The following CCDC73 variants were observed in gnomAD, a reference collection of about 807,000 sequenced individuals.
CCDC73 encodes the protein coiled-coil domain-containing protein 73.
A neutral mutation model predicts 116.5 loss-of-function variants in CCDC73; 95 were observed. The observed-to-expected ratio is 0.82, with a 90% CI of 0.69 to 0.97. CCDC73 has a LOEUF of 0.97. Among genes scored for constraint, CCDC73 ranks in the 50% least tolerant of loss-of-function variants. CCDC73 has a pLI of 0.00. For synonymous variants in CCDC73, 398 were observed against 401.3 expected (o/e 0.99, Z 0.10); for missense variants, 1,066 against 1,206.8 (o/e 0.88, Z 1.73).
intron 2 of CCDC73, among the ~76,000 whole-genome samples, chr11:32,721,617 A>G (rs997603638): frequency 7.4e-5 from 11 of 148,220 alleles, no homozygotes; most frequent in African/African-American, 2.3e-4. Context: ...TTTTTGAGAC[A>G]GAGTCTTGCT....
At chr11:32,638,858 A>C (rs1030770992) in intron 13 of CCDC73, among the ~76,000 whole-genome samples, 1 of 151,646 alleles carries the variant, frequency 6.6e-6, no homozygotes, top group African/African-American at 2.4e-5. Flanking sequence ...CTTAAACCTC[A>C]TTTCATCAGC....
At chr11:32,648,714 T>A (rs981445501) in intron 12 of CCDC73, among the ~76,000 whole-genome samples, 6 of 150,280 alleles carry the variant, frequency 4.0e-5, no homozygotes, top group African/African-American at 1.5e-4. Context: ...ATGACACCCA[T>A]CTAATTTTGT....
At chr11:32,711,324 A>G (rs2133325504) in intron 3 of CCDC73, among the ~76,000 whole-genome samples, 1 of 152,314 alleles carries the variant, frequency 6.6e-6, no homozygotes, top group African/African-American at 2.4e-5. Flanking sequence ...CATTATACCA[A>G]AAAAATACTT....
chr11:32,754,878 CTTTTT>C (rs34982926), intron 2 of CCDC73, among the ~76,000 whole-genome samples: 4 of 86,566 alleles, frequency 4.6e-5, no homozygotes, highest in African/African-American at 1.2e-4. Flanking sequence ...ATGGCTTCAA[CTTTTT>C]TTTTTTTTTT....
intron 1 of CCDC73, among the ~76,000 whole-genome samples, chr11:32,770,689 T>C (rs1850485233): frequency 6.6e-6 from 1 of 151,676 alleles, no homozygotes; most frequent in Non-Finnish European, 1.5e-5. Flanking sequence ...ATAGAAAATG[T>C]ACCTAATCAA....
chr11:32,765,294 C>G (rs1320143208), intron 1 of CCDC73, among the ~76,000 whole-genome samples: 1 of 152,212 alleles, frequency 6.6e-6, no homozygotes, highest in Non-Finnish European at 1.5e-5. Flanking sequence ...CTCTCCACCC[C>G]AAATCGACAT....
intron 1 of CCDC73, among the ~76,000 whole-genome samples, chr11:32,774,422 T>C (rs952328922): frequency 2.6e-5 from 4 of 152,202 alleles, no homozygotes; most frequent in African/African-American, 4.8e-5. Flanking sequence ...TGCATTTTAA[T>C]GAACGTGAGA....
chr11:32,614,457 T>C lies in CCDC73; in HGVS notation c.1861A>G (p.Asn621Asp). Residue 621 changes from asparagine to aspartate, a missense_variant, in exon 16 of 18, where the codon AAT becomes GAT. Transcript: ENST00000335185. ...REHALEKEIT[N>D]SDQTKADLDS... The stretch of plus-strand genomic sequence containing the variant: ...AAATCTGCTTTGGTTTGGTCACTAT[T>C]TGTAATTTCCTTCTCTAGAGCATGT... 4 of 1,613,674 alleles carry C rather than the reference T, an allele frequency of 2.5e-6. No individual in the cohort carries two copies. Among genetic ancestry groups the C allele is most frequent in the Non-Finnish European group, 3.4e-6 (4 of 1,179,772 alleles).
chr11:32,815,867 T>G, the CCDC73 span, among the ~76,000 whole-genome samples: 1 of 152,188 alleles, frequency 6.6e-6, no homozygotes, highest in African/African-American at 2.4e-5. Context: ...TCCTGCCCTT[T>G]TAGATCTCTA....
At chr11:32,741,881 C>A (rs956361983) in intron 2 of CCDC73, among the ~76,000 whole-genome samples, 1 of 151,416 alleles carries the variant, frequency 6.6e-6, no homozygotes, top group African/African-American at 2.4e-5. Flanking sequence ...ATTGTTCTAC[C>A]CCCACTTATG....
chr11:32,701,183 T>A (rs758409806), intron 4 of CCDC73, among the ~76,000 whole-genome samples: 1 of 152,180 alleles, frequency 6.6e-6, no homozygotes, highest in Admixed American at 6.5e-5. Context: ...TCACACTGAT[T>A]AGAGATACCA....
At chr11:32,809,418 C>T in the CCDC73 span, among the ~76,000 whole-genome samples, 3 of 152,140 alleles carry the variant, frequency 2.0e-5, no homozygotes, top group African/African-American at 4.8e-5. Flanking sequence ...CGCTAGGGGG[C>T]GGAGAGGGGT....
chr11:32,644,275 G>A lies in CCDC73; in HGVS notation c.940-2193C>T, dbSNP rs554666327. Among the ~76,000 whole-genome samples, 5 of 152,240 alleles carry A rather than the reference G, an allele frequency of 3.3e-5. 1 individual carries two copies. The highest frequency in any genetic ancestry group is 4.8e-5 in the African/African-American group (2 of 41,548). On this transcript the variant is annotated intron_variant, in intron 12 of 17. Transcript: ENST00000335185. ...CACATGTTCTCACTTATAAGTGGGA[G>A]CTAAACATTGAGCACATATAGACAC...
chr11:32,684,033 A>G (rs1856171868), intron 6 of CCDC73, among the ~76,000 whole-genome samples: 1 of 135,450 alleles, frequency 7.4e-6, no homozygotes, highest in Non-Finnish European at 1.6e-5. Context: ...ACACTTTGGT[A>G]CTACCAGGTT....
chr11:32,622,564 G>T (rs1319700044), intron 14 of CCDC73, among the ~76,000 whole-genome samples: 2 of 151,820 alleles, frequency 1.3e-5, no homozygotes, highest in East Asian at 3.9e-4. Context: ...AATGCATGCG[G>T]GGCTTAAAAC....
At chr11:32,776,987 A>ATG (rs1192587784) in intron 1 of CCDC73, among the ~76,000 whole-genome samples, 2 of 39,292 alleles carry the variant, frequency 5.1e-5, no homozygotes, top group Non-Finnish European at 1.1e-4. Context: ...ATATATACAC[A>ATG]TGTATATATA....
the CCDC73 span, chr11:32,830,158 G>A: frequency 2.9e-6 from 3 of 1,020,192 alleles, no homozygotes; most frequent in Non-Finnish European, 3.5e-6. Flanking sequence ...GCTGGAACAT[G>A]TGCGGGGGGA....
intron 3 of CCDC73, among the ~76,000 whole-genome samples, chr11:32,713,662 TCTTTCAGGACA>T (rs1849920926): frequency 6.6e-6 from 1 of 151,990 alleles, no homozygotes; most frequent in Non-Finnish European, 1.5e-5. Context: ...AAAGAAAATC[TCTTTCAGGACA>T]CTTTCAGGAC....
chr11:32,819,928 A>G, the CCDC73 span, among the ~76,000 whole-genome samples: 1 of 152,100 alleles, frequency 6.6e-6, no homozygotes, highest in Non-Finnish European at 1.5e-5. Context: ...TGGATGGGAG[A>G]AGGCCTGGAA....
Sources: allele counts gnomAD v4.1 joint callset (sites outside exome capture counted in the v4.1 genomes callset), GRCh38; gene constraint gnomAD v4.1.1; transcripts MANE v1.5; gene names NCBI Gene and HGNC (gene_info 2026-07-23, HGNC 2026-07-21).